Variants in NOVA1 observed in about 807,000 individuals in gnomAD.
NOVA1 encodes the protein NOVA alternative splicing regulator 1, also known as RNA-binding protein Nova-1.
In NOVA1, 7 loss-of-function variants were observed where a neutral mutation model predicts 38.0. The observed-to-expected ratio is 0.18, with a 90% CI of 0.10 to 0.35. NOVA1 has a LOEUF of 0.35. Among genes scored for constraint, NOVA1 ranks in the 10% least tolerant of loss-of-function variants. The pLI is 1.00. For missense variants in NOVA1, 460 were observed against 616.0 expected (o/e 0.75, Z 2.68); for synonymous variants, 270 against 232.5 (o/e 1.16, Z -1.47).
intron 3 of NOVA1, 42 bp downstream of exon 3, chr14:26,479,935 T>C (rs1885317748): frequency 1.2e-6 from 2 of 1,601,420 alleles, no homozygotes; most frequent in Non-Finnish European, 1.7e-6. Context: ...ACTTATACTA[T>C]GCTGTGGATA....
chr14:26,532,079 T>C (rs1438334561), intron 2 of NOVA1, among the ~76,000 whole-genome samples: 1 of 152,170 alleles, frequency 6.6e-6, no homozygotes, highest in African/African-American at 2.4e-5. Context: ...CTGGACTAAT[T>C]GGAGAGCTCA....
chr14:26,493,800 C>A (rs1299334024), intron 2 of NOVA1, among the ~76,000 whole-genome samples: 1 of 152,074 alleles, frequency 6.6e-6, no homozygotes, highest in African/African-American at 2.4e-5. Context: ...TTAATCTGCC[C>A]CCTGTGAACA....
chr14:26,531,296 T>C (rs1188609043), intron 2 of NOVA1, among the ~76,000 whole-genome samples: 1 of 152,062 alleles, frequency 6.6e-6, no homozygotes, highest in Non-Finnish European at 1.5e-5. Flanking sequence ...GATCTAACCA[T>C]AAAAATTAAG....
chr14:26,499,381 A>G (rs1887081785), intron 2 of NOVA1, among the ~76,000 whole-genome samples: 1 of 152,176 alleles, frequency 6.6e-6, no homozygotes, highest in Non-Finnish European at 1.5e-5. Flanking sequence ...CTAAAAGTAT[A>G]CATAAAACAA....
chr14:26,540,865 G>C (rs759533307), intron 2 of NOVA1, among the ~76,000 whole-genome samples: 1 of 152,070 alleles, frequency 6.6e-6, no homozygotes, highest in Admixed American at 6.6e-5. Context: ...TGAACAATAC[G>C]TGCTTTCCAC....
intron 3 of NOVA1, among the ~76,000 whole-genome samples, chr14:26,473,374 T>C (rs147655247): frequency 0.012 from 1,891 of 151,912 alleles, 44 homozygotes; most frequent in African/African-American, 0.044. Context: ...ACGTCCTCAA[T>C]AGATAATATT....
At position 26,453,989 on chromosome 14, in the gene NOVA1, C is replaced by A. The variant is rs1594320847; in HGVS notation, c.520-5026G>T. Among the ~76,000 whole-genome samples the A allele has an allele frequency of 2.6e-5, 4 of 152,076 alleles. No homozygotes were observed. The South Asian group carries it at 8.3e-4, about 31-fold the overall frequency. The stretch of plus-strand genomic sequence containing the variant: ...CTGGCAACAGAGCCCCTGTTTTCCT[C>A]TGGAAAACACCCTTTCTCATTCTTA... On this transcript the variant is annotated intron_variant, in intron 4 of 4. Transcript: ENST00000539517.
chr14:26,554,388 A>G (rs1891355738), intron 2 of NOVA1, among the ~76,000 whole-genome samples: 1 of 152,100 alleles, frequency 6.6e-6, no homozygotes, highest in Non-Finnish European at 1.5e-5. Flanking sequence ...TTCTCCACTC[A>G]CTGGATTGAG....
intron 2 of NOVA1, among the ~76,000 whole-genome samples, chr14:26,527,341 T>G (rs1340981523): frequency 2.0e-5 from 3 of 152,096 alleles, no homozygotes. Flanking sequence ...TGATTCATGT[T>G]GATGCCCATG....
At chr14:26,531,019 GTCTCCA>G (rs1265577618) in intron 2 of NOVA1, among the ~76,000 whole-genome samples, 1 of 152,110 alleles carries the variant, frequency 6.6e-6, no homozygotes, top group South Asian at 2.1e-4. Flanking sequence ...AATGTTAGCA[GTCTCCA>G]CCTAAACCCA....
At chr14:26,470,625 TTATC>T (rs1884514653) in intron 4 of NOVA1, 1 of 575,226 alleles carries the variant, frequency 1.7e-6, no homozygotes, top group African/African-American at 1.9e-5. Context: ...ATGTAGCACT[TTATC>T]TAGAGGGTGA....
At chr14:26,453,164 TTATGTATG>T (rs146403566) in intron 4 of NOVA1, among the ~76,000 whole-genome samples, 34 of 125,194 alleles carry the variant, frequency 2.7e-4, no homozygotes, top group African/African-American at 1.1e-3. Flanking sequence ...ACTGCTTCAA[TTATGTATG>T]TATGTATGTA....
intron 2 of NOVA1, among the ~76,000 whole-genome samples, chr14:26,498,781 T>C (rs999250148): frequency 2.2e-4 from 34 of 152,168 alleles, no homozygotes; most frequent in Non-Finnish European, 2.4e-4. Flanking sequence ...TTAAAGAACA[T>C]TTTCTTTGAT....
chr14:26,576,762 T>C (rs750130871), intron 2 of NOVA1, among the ~76,000 whole-genome samples: 11 of 151,908 alleles, frequency 7.2e-5, no homozygotes, highest in Non-Finnish European at 1.5e-4. Context: ...TTATTGTATA[T>C]ACTTAAGGTG....
rs181154425 is a variant in NOVA1, at chr14:26,462,476, C to T, written c.519+9844G>A. On this transcript the variant is annotated intron_variant, in intron 4 of 4. Coordinates refer to ENST00000539517, the MANE Select transcript of NOVA1 (RefSeq NM_002515.3). ...AAGAGGCGTCATGAAATATTTTATC[C>T]GACTGTTCAAATATAGATGCAAAAT... is the stretch of plus-strand genomic sequence containing the variant. Among the ~76,000 whole-genome samples the T allele has an allele frequency of 2.0e-3, 297 of 150,782 alleles. 1 individual carries two copies. Among genetic ancestry groups the T allele is most frequent in the Admixed American group, 3.2e-3 (48 of 15,212 alleles).
At chr14:26,558,979 C>T (rs909608529) in intron 2 of NOVA1, among the ~76,000 whole-genome samples, 1 of 152,066 alleles carries the variant, frequency 6.6e-6, no homozygotes, top group East Asian at 1.9e-4. Context: ...ATATCATGCA[C>T]CTCGCTTGGA....
At chr14:26,503,591 A>C (rs1204452634) in intron 2 of NOVA1, among the ~76,000 whole-genome samples, 1 of 152,100 alleles carries the variant, frequency 6.6e-6, no homozygotes, top group Non-Finnish European at 1.5e-5. Flanking sequence ...TTAGCAATTA[A>C]GTACCAAACG....
At chr14:26,540,523 G>C (rs181640849) in intron 2 of NOVA1, among the ~76,000 whole-genome samples, 116 of 152,282 alleles carry the variant, frequency 7.6e-4, no homozygotes, top group Non-Finnish European at 2.6e-4. Context: ...GAAACAAAAA[G>C]ACAACTCAGT....
intron 1 of NOVA1, chr14:26,596,599 G>GTTC (rs1894206839): frequency 7.8e-7 from 1 of 1,289,132 alleles, no homozygotes; most frequent in Non-Finnish European, 1.0e-6. Flanking sequence ...TGGGTGCATT[G>GTTC]TTAAGATGAT....
Sources: gnomAD v4.1 joint callset for allele counts (sites outside exome capture counted in the v4.1 genomes callset) on GRCh38, gnomAD v4.1.1 for gene constraint, MANE v1.5 for transcripts, NCBI Gene and HGNC (gene_info 2026-07-23, HGNC 2026-07-21) for gene names.